The following KSR2 variants were observed in gnomAD, a reference collection of about 807,000 sequenced individuals.
The protein encoded by KSR2 is kinase suppressor of ras 2.
In KSR2, 25 loss-of-function variants were observed where a neutral mutation model predicts 107.8. The ratio of observed to expected loss-of-function variants is 0.23; its 90% CI spans 0.17 to 0.32. The LOEUF (loss-of-function observed/expected upper bound fraction) is 0.32. Ranked by LOEUF, KSR2 falls within the 10% of genes least tolerant of loss-of-function variation. The probability of loss-of-function intolerance (pLI) is 1.00; values close to 1 mark genes in which losing one functional copy is unlikely to be tolerated. For synonymous variants in KSR2, 480 were observed against 507.0 expected, an observed-to-expected ratio of 0.95 and a Z score of 0.71; for missense variants, 887 against 1,268.9, an observed-to-expected ratio of 0.70 and a Z score of 4.57.
chr12:117,761,436 G>A lies in KSR2; in HGVS notation c.561C>T (p.Pro187=), dbSNP rs766966998. The change falls in exon 4 of 20, where the codon CCC becomes CCT. Residue 187 remains proline, a synonymous_variant. Coordinates refer to ENST00000339824, the MANE Select transcript of KSR2 (RefSeq NM_173598.6). ...KENNPVCPPE[P]TPWIRTHLSQ... ...AGAGATGGGTGCGGATCCACGGGGT[G>A]GGCTCCGGGGGGCACACGGGATTGT... The A allele has an allele frequency of 6.2e-7, 1 of 1,612,510 alleles. No individual in the cohort carries two copies. Among genetic ancestry groups the A allele is most frequent in the Non-Finnish European group, 8.5e-7 (1 of 1,179,492 alleles).
intron 3 of KSR2, among the ~76,000 whole-genome samples, chr12:117,804,665 C>T (rs963747686): frequency 4.6e-5 from 7 of 152,108 alleles, no homozygotes; most frequent in African/African-American, 9.7e-5. Flanking sequence ...ATTAAGGAAC[C>T]GGCCTTCAAG....
At chr12:117,858,641 C>A (rs1893180161) in intron 2 of KSR2, among the ~76,000 whole-genome samples, 1 of 152,192 alleles carries the variant, frequency 6.6e-6, no homozygotes. Flanking sequence ...GGGAGGCAAG[C>A]TCCTCTTCTG....
rs567346404 is a variant in KSR2 at position 117,966,744 on chromosome 12, C to G, written c.180+1332G>C. Among the ~76,000 whole-genome samples, 10 of 151,596 alleles carry G rather than the reference C, an allele frequency of 6.6e-5. No homozygotes were observed. The East Asian group carries it at 1.6e-3, about 24-fold the overall frequency. On this transcript the variant is annotated intron_variant, in intron 1 of 19. Transcript: ENST00000339824. ...GGGATGACCTCCTGCATGTTGACAT[C>G]CAGCCAAATTTAAAAATCACGGAAA...
intron 14 of KSR2, among the ~76,000 whole-genome samples, chr12:117,498,326 G>T (rs747585573): frequency 1.3e-4 from 19 of 151,996 alleles, no homozygotes; most frequent in Non-Finnish European, 2.6e-4. Flanking sequence ...TTCAGGGCAG[G>T]GCCATGTTAA....
chr12:117,617,202 G>A (rs1396915313), intron 5 of KSR2, among the ~76,000 whole-genome samples: 1 of 151,916 alleles, frequency 6.6e-6, no homozygotes, highest in Non-Finnish European at 1.5e-5. Flanking sequence ...CTTTTCAATG[G>A]GTCCTATATG....
rs1314129519 is a variant in KSR2 at position 117,555,096 on chromosome 12, C to G, written c.1518+73G>C. ...GGGAGCGCCATACTCCCAGATCAAC[C>G]CTTCCTCCCTCCTACCCCTCACCCA... On this transcript the variant is annotated intron_variant, in intron 9 of 19. Transcript: ENST00000339824. 3 of 1,591,472 alleles carry G rather than the reference C, an allele frequency of 1.9e-6. No homozygotes were observed. In the African/African-American group the frequency reaches 4.0e-5, roughly 21 times the overall value.
At chr12:117,856,694 C>T (rs1390831576) in intron 2 of KSR2, among the ~76,000 whole-genome samples, 2 of 152,116 alleles carry the variant, frequency 1.3e-5, no homozygotes, top group Non-Finnish European at 2.9e-5. Context: ...CCAGGCTGGT[C>T]TCAAACTCCT....
intron 4 of KSR2, among the ~76,000 whole-genome samples, chr12:117,737,355 C>T (rs1364672104): frequency 8.3e-6 from 1 of 120,346 alleles, no homozygotes; most frequent in Non-Finnish European, 1.9e-5. Context: ...GCTGGCAGCA[C>T]ACTGCATTTT....
chr12:117,663,958 G>A (rs1228721772), intron 5 of KSR2, among the ~76,000 whole-genome samples: 1 of 152,178 alleles, frequency 6.6e-6, no homozygotes, highest in African/African-American at 2.4e-5. Context: ...CAGCAAGGGT[G>A]GAGAGATAAG....
intron 1 of KSR2, among the ~76,000 whole-genome samples, chr12:117,957,452 G>T (rs1442367813): frequency 6.6e-6 from 1 of 151,726 alleles, no homozygotes; most frequent in East Asian, 1.9e-4. Flanking sequence ...CTCCTTCCTG[G>T]CCACCATGTG....
At chr12:117,514,920 G>A (rs563543817) in intron 14 of KSR2, among the ~76,000 whole-genome samples, 1 of 152,110 alleles carries the variant, frequency 6.6e-6, no homozygotes, top group East Asian at 1.9e-4. Flanking sequence ...CCCTCCCCTG[G>A]CCTTGCTACC....
rs57803421 is a variant in KSR2, at chr12:117,823,018, C to G, written c.472+32410G>C. 2.6e-3 allele frequency among the ~76,000 whole-genome samples: 401 copies of G among 151,916 alleles called. 3 individuals are homozygous for G. The highest frequency in any genetic ancestry group is 9.4e-3 in the African/African-American group (390 of 41,446). On this transcript the variant is annotated intron_variant, in intron 3 of 19. Coordinates refer to ENST00000339824, the MANE Select transcript of KSR2 (RefSeq NM_173598.6). ...AAATACATTTAAGCCAGAATATGAA[C>G]GTCCAATCAGAATCAGCTAGGGAAA...
intron 9 of KSR2, among the ~76,000 whole-genome samples, chr12:117,551,399 T>C (rs1877298697): frequency 6.6e-6 from 1 of 152,186 alleles, no homozygotes; most frequent in African/African-American, 2.4e-5. Context: ...AAATCCTTTA[T>C]ACATATCATA....
rs181105636 is a variant in KSR2, at chr12:117,539,598, T to C, written c.1687+121A>G. 2.1e-4 allele frequency: 198 copies of C among 934,046 alleles called. No individual in the cohort carries two copies. The Middle Eastern group carries it at 5.0e-3, about 24-fold the overall frequency. 57.9% of individuals were successfully genotyped at this position (934,046 alleles called of 1,614,324 possible). On this transcript the variant is annotated intron_variant, in intron 10 of 19. Coordinates refer to ENST00000339824, the MANE Select transcript of KSR2 (RefSeq NM_173598.6). ...ATACTTCCTTGCCCCTCTCTGGTCA[T>C]TGACCCATTCGCTTTCCTGCAGAGA... is the stretch of plus-strand genomic sequence containing the variant.
At chr12:117,798,902 C>T (rs1293122773) in intron 3 of KSR2, among the ~76,000 whole-genome samples, 2 of 152,078 alleles carry the variant, frequency 1.3e-5, no homozygotes, top group African/African-American at 4.8e-5. Context: ...ATTATTCAGC[C>T]TTAAAAAGGA....
rs927810208 is a variant in KSR2, at chr12:117,616,090, G to A, written c.1172-33731C>T. On this transcript the variant is annotated intron_variant, in intron 5 of 19. Transcript: ENST00000339824. ...GAGGATTGCTTGATCCTGAGAGGTT[G>A]AGGCTGCAGTGAGCCATAATCATGC... is the stretch of plus-strand genomic sequence containing the variant. Among the ~76,000 whole-genome samples, 7 of 150,494 alleles carry A rather than the reference G, an allele frequency of 4.7e-5. No homozygotes were observed. In the East Asian group the frequency reaches 1.4e-3, roughly 29 times the overall value.
intron 4 of KSR2, among the ~76,000 whole-genome samples, chr12:117,701,525 C>T (rs1886314496): frequency 6.6e-6 from 1 of 152,012 alleles, no homozygotes. Context: ...AATGGTGCTT[C>T]TCCAAAAAAG....
At chr12:117,501,166 A>C (rs1435445948) in intron 14 of KSR2, among the ~76,000 whole-genome samples, 5 of 152,212 alleles carry the variant, frequency 3.3e-5, no homozygotes, top group Admixed American at 1.3e-4. Flanking sequence ...AATTATATGA[A>C]ATTCAAATGT....
intron 4 of KSR2, among the ~76,000 whole-genome samples, chr12:117,698,765 G>A (rs1886176503): frequency 6.6e-6 from 1 of 152,064 alleles, no homozygotes; most frequent in Non-Finnish European, 1.5e-5. Context: ...CCATCCACTC[G>A]TCAGCTTTAT....
Sources: allele counts gnomAD v4.1 joint callset (sites outside exome capture counted in the v4.1 genomes callset), GRCh38; gene constraint gnomAD v4.1.1; transcripts MANE v1.5; gene names NCBI Gene and HGNC (gene_info 2026-07-23, HGNC 2026-07-21).